Variants in ESRRB observed in about 807,000 individuals in gnomAD.
The protein encoded by ESRRB is steroid hormone receptor ERR2.
ESRRB carries 16 observed loss-of-function variants against 46.0 expected under a neutral mutation model. That is an observed-to-expected ratio of 0.35 (90% CI 0.24 to 0.53). ESRRB has a LOEUF of 0.53. Ranked by LOEUF, ESRRB falls within the 20% of genes least tolerant of loss-of-function variation. The probability of loss-of-function intolerance (pLI) is 0.93; values close to 1 mark genes in which losing one functional copy is unlikely to be tolerated. For synonymous variants in ESRRB, 246 were observed against 259.6 expected, an observed-to-expected ratio of 0.95 and a Z score of 0.50; for missense variants, 488 against 607.4, an observed-to-expected ratio of 0.80 and a Z score of 2.07.
At chr14:76,473,073 T>C (rs1349311521) in intron 3 of ESRRB, among the ~76,000 whole-genome samples, 2 of 152,190 alleles carry the variant, frequency 1.3e-5, no homozygotes, top group Admixed American at 1.3e-4. Context: ...GTCACAAGTT[T>C]AGGGCAAAGA....
intron 1 of ESRRB, among the ~76,000 whole-genome samples, chr14:76,327,802 C>T (rs1883952937): frequency 6.6e-6 from 1 of 152,062 alleles, no homozygotes; most frequent in South Asian, 2.1e-4. Context: ...CTCCCAGGTT[C>T]AAGCAATTCT....
intron 1 of ESRRB, among the ~76,000 whole-genome samples, chr14:76,420,550 A>C (rs963794849): frequency 1.5e-5 from 2 of 132,466 alleles, no homozygotes; most frequent in African/African-American, 6.1e-5. Flanking sequence ...CTTCTCCTAC[A>C]GGGTGTGAGT....
At chr14:76,478,079 T>C (rs756508802) in intron 3 of ESRRB, among the ~76,000 whole-genome samples, 1 of 152,198 alleles carries the variant, frequency 6.6e-6, no homozygotes, top group Non-Finnish European at 1.5e-5. Context: ...TTGGATGCAA[T>C]GCTGGGGAAC....
intron 5 of ESRRB, among the ~76,000 whole-genome samples, chr14:76,483,200 C>T (rs149059582): frequency 1.3e-5 from 2 of 152,152 alleles, no homozygotes; most frequent in Non-Finnish European, 2.9e-5. Flanking sequence ...GGAATCAGAT[C>T]GGGATTCCAA....
At chr14:76,328,216 GTCC>G (rs2139733801) in intron 1 of ESRRB, among the ~76,000 whole-genome samples, 1 of 152,320 alleles carries the variant, frequency 6.6e-6, no homozygotes, top group Admixed American at 6.5e-5. Flanking sequence ...AGCAAGGAGG[GTCC>G]TCACCTCCTG....
At position 76,498,660 on chromosome 14, in the gene ESRRB, T is replaced by C; in HGVS notation, c.*202T>C. On this transcript the variant is annotated 3_prime_UTR_variant, in exon 7 of 7. Coordinates refer to ENST00000644823, the MANE Select transcript of ESRRB (RefSeq NM_001379180.1). The stretch of plus-strand genomic sequence containing the variant: ...GGGGACGGGGATGGGGGGGCAGGGG[T>C]GTGGGGCTCGACTGTAACTGGCTTT... 1.8e-6 allele frequency: 2 copies of C among 1,102,492 alleles called. No homozygotes were observed. The highest frequency in any genetic ancestry group is 1.3e-6 in the Non-Finnish European group (1 of 783,172). 68.3% of individuals were successfully genotyped at this position (1,102,492 alleles called of 1,614,324 possible).
intron 1 of ESRRB, among the ~76,000 whole-genome samples, chr14:76,426,322 C>G (rs147068251): frequency 6.6e-6 from 1 of 152,204 alleles, no homozygotes; most frequent in African/African-American, 2.4e-5. Context: ...AAGGGAGTGG[C>G]TTATATTACT....
chr14:76,484,258 A>C (rs545272950), intron 5 of ESRRB, among the ~76,000 whole-genome samples: 117 of 152,234 alleles, frequency 7.7e-4, no homozygotes, highest in Non-Finnish European at 1.4e-3. Context: ...GGACGCACAG[A>C]GACATCAGAT....
upstream of ESRRB, among the ~76,000 whole-genome samples, chr14:76,373,400 G>A (rs1016450372): frequency 6.6e-6 from 1 of 152,128 alleles, no homozygotes; most frequent in Non-Finnish European, 1.5e-5. Context: ...TCACATGGAG[G>A]AGTCAGGACC....
At chr14:76,375,428 T>A (rs1884728405), upstream of ESRRB, among the ~76,000 whole-genome samples, 1 of 152,208 alleles carries the variant, frequency 6.6e-6, no homozygotes, top group Non-Finnish European at 1.5e-5. Flanking sequence ...ACCACGATTG[T>A]ATTTTCCTAA....
intron 3 of ESRRB, among the ~76,000 whole-genome samples, chr14:76,464,802 C>G (rs1889038300): frequency 6.6e-6 from 1 of 152,176 alleles, no homozygotes; most frequent in Admixed American, 6.5e-5. Context: ...GCCCTTTCTG[C>G]TCCTTCAGAG....
chr14:76,451,626 A>AT (rs1198654515), intron 2 of ESRRB, among the ~76,000 whole-genome samples: 3 of 151,794 alleles, frequency 2.0e-5, no homozygotes, highest in African/African-American at 7.3e-5. Context: ...TTTTATTTTT[A>AT]TTTTATTTAT....
chr14:76,344,211 A>G (rs2139754023), intron 1 of ESRRB, among the ~76,000 whole-genome samples: 1 of 152,348 alleles, frequency 6.6e-6, no homozygotes, highest in African/African-American at 2.4e-5. Context: ...AATGCCTGGC[A>G]TGTGTTATGT....
At chr14:76,433,645 T>C (rs1043535395) in intron 1 of ESRRB, among the ~76,000 whole-genome samples, 5 of 152,140 alleles carry the variant, frequency 3.3e-5, no homozygotes, top group African/African-American at 1.2e-4. Context: ...TCCTCTACCC[T>C]TCACGGCCAA....
At position 76,402,947 on chromosome 14, in the gene ESRRB, C is replaced by T. The variant is rs184543993; in HGVS notation, c.50+26496C>T. On this transcript the variant is annotated intron_variant, in intron 1 of 6. Transcript: ENST00000644823. The stretch of plus-strand genomic sequence containing the variant: ...ATGTGGCCACAGGCATACACCATCA[C>T]ACCTGGCTAACTTTTGTGTTTTTTG... Among the ~76,000 whole-genome samples, 335 of 152,242 alleles carry T rather than the reference C, an allele frequency of 2.2e-3. 4 individuals are homozygous for T. Among genetic ancestry groups the T allele is most frequent in the African/African-American group, 7.7e-3 (322 of 41,556 alleles).
chr14:76,398,043 T>C (rs1256342257), intron 1 of ESRRB, among the ~76,000 whole-genome samples: 3 of 152,242 alleles, frequency 2.0e-5, no homozygotes, highest in African/African-American at 7.2e-5. Flanking sequence ...CTCACTTTTT[T>C]ATGTCTAGCC....
At chr14:76,386,233 G>T (rs911822033) in intron 1 of ESRRB, among the ~76,000 whole-genome samples, 4 of 152,106 alleles carry the variant, frequency 2.6e-5, no homozygotes, top group African/African-American at 9.7e-5. Flanking sequence ...TTTCAGTAGG[G>T]CTGTCCAGTA....
At chr14:76,377,437 G>T (rs1884820847) in intron 1 of ESRRB, among the ~76,000 whole-genome samples, 1 of 152,146 alleles carries the variant, frequency 6.6e-6, no homozygotes, top group African/African-American at 2.4e-5. Context: ...TGGGCGCTGC[G>T]CACCCCACGG....
intron 1 of ESRRB, among the ~76,000 whole-genome samples, chr14:76,342,290 C>G (rs1316948312): frequency 1.3e-5 from 2 of 152,084 alleles, no homozygotes; most frequent in East Asian, 1.9e-4. Context: ...CTCTGGCTCT[C>G]TAAATCAGAC....
Sources: gnomAD v4.1 joint callset for allele counts (sites outside exome capture counted in the v4.1 genomes callset) on GRCh38, gnomAD v4.1.1 for gene constraint, MANE v1.5 for transcripts, NCBI Gene and HGNC (gene_info 2026-07-23, HGNC 2026-07-21) for gene names.